ZNF609: variants seen among roughly 807,000 people sequenced by gnomAD.
The protein encoded by ZNF609 is zinc finger protein 609.
ZNF609 carries 11 observed loss-of-function variants against 109.5 expected under a neutral mutation model. The ratio of observed to expected loss-of-function variants is 0.10; its 90% CI spans 0.06 to 0.17. ZNF609 has a LOEUF of 0.17. ZNF609 is among the 10% of genes least tolerant of loss of function. The probability of loss-of-function intolerance (pLI) is 1.00; values close to 1 mark genes in which losing one functional copy is unlikely to be tolerated. For missense variants in ZNF609, 1,559 were observed against 1,772.4 expected (o/e 0.88, Z 2.16); for synonymous variants, 646 against 662.0 (o/e 0.98, Z 0.37).
chr15:64,575,690 G>T (rs999120000), intron 2 of ZNF609, among the ~76,000 whole-genome samples: 6 of 152,110 alleles, frequency 3.9e-5, no homozygotes, highest in Non-Finnish European at 5.9e-5. Flanking sequence ...TTACAAAAAG[G>T]TTATGAAATT....
chr15:64,609,002 G>A (rs1159400497), intron 2 of ZNF609, among the ~76,000 whole-genome samples: 2 of 152,038 alleles, frequency 1.3e-5, no homozygotes, highest in South Asian at 4.1e-4. Context: ...CTCCCAAAGT[G>A]CTGAGATGAT....
At chr15:64,536,187 ATTT>A (rs925654006) in intron 2 of ZNF609, among the ~76,000 whole-genome samples, 3 of 151,934 alleles carry the variant, frequency 2.0e-5, no homozygotes, top group African/African-American at 7.3e-5. Flanking sequence ...CACCTGGCTA[ATTT>A]TTTTATTTGT....
At chr15:64,609,247 G>A (rs1336756012) in intron 2 of ZNF609, among the ~76,000 whole-genome samples, 1 of 150,938 alleles carries the variant, frequency 6.6e-6, no homozygotes, top group East Asian at 1.9e-4. Flanking sequence ...GTGCAGTGGT[G>A]CAGTCTCGGC....
chr15:64,681,291 G>C lies in ZNF609; in HGVS notation c.4163-18G>C. On this transcript the variant is annotated intron_variant, in intron 8 of 9. Transcript: ENST00000326648. ...GTTTCTGTGAGTGCTACACTAACAT[G>C]TTCTCCTGCTTATTCAGGGCTTTCT... 1 of 1,612,876 alleles carries C rather than the reference G, an allele frequency of 6.2e-7. No individual in the cohort carries two copies. The highest frequency in any genetic ancestry group is 8.5e-7 in the Non-Finnish European group (1 of 1,179,168).
chr15:64,666,345 G>C (rs1311991189), intron 3 of ZNF609, among the ~76,000 whole-genome samples: 3 of 152,090 alleles, frequency 2.0e-5, no homozygotes, highest in Admixed American at 1.3e-4. Context: ...AGTGAGCCAA[G>C]ATTGCACTAC....
intron 3 of ZNF609, chr15:64,631,735 G>T: frequency 4.4e-6 from 1 of 226,318 alleles, no homozygotes; most frequent in South Asian, 5.7e-5. Context: ...GTAGAGACGG[G>T]GTTTCTCCAT....
chr15:64,623,903 T>G (rs1174094667), intron 3 of ZNF609, among the ~76,000 whole-genome samples: 1 of 152,206 alleles, frequency 6.6e-6, no homozygotes, highest in Non-Finnish European at 1.5e-5. Flanking sequence ...ATCATGTCTC[T>G]GCATCAGTAA....
At chr15:64,490,669 T>A (rs1893401261) in intron 1 of ZNF609, among the ~76,000 whole-genome samples, 1 of 152,210 alleles carries the variant, frequency 6.6e-6, no homozygotes, top group African/African-American at 2.4e-5. Context: ...GTTTTCTATG[T>A]GGATCACTTT....
At position 64,477,235 on chromosome 15, in the gene ZNF609, G is replaced by C. The variant is rs531552759; in HGVS notation, c.-128+16397G>C. ...GGCTCACTGCAAGCTCTGCCTCCCC[G>C]GTTCAGGCCATTCTCCTGCCTCAGC... On this transcript the variant is annotated intron_variant, in intron 1 of 9. Coordinates refer to ENST00000326648, the MANE Select transcript of ZNF609 (RefSeq NM_015042.2). Among the ~76,000 whole-genome samples, 75 of 144,358 alleles carry C rather than the reference G, an allele frequency of 5.2e-4. 1 individual carries two copies. The highest frequency in any genetic ancestry group is 2.8e-4 in the Non-Finnish European group (19 of 66,796). The allele number at this position is 144,358 out of a possible 152,430, so 94.7% of individuals were successfully genotyped here. A position where few individuals can be genotyped will look rare whatever the true frequency, so the allele number is the denominator to read the frequency against.
intron 2 of ZNF609, among the ~76,000 whole-genome samples, chr15:64,600,177 G>T (rs1484054019): frequency 6.6e-6 from 1 of 152,128 alleles, no homozygotes; most frequent in Non-Finnish European, 1.5e-5. Context: ...TTAGCCAGGT[G>T]AGGTGGCTCA....
At chr15:64,639,938 T>G (rs1896229039) in intron 3 of ZNF609, among the ~76,000 whole-genome samples, 1 of 152,078 alleles carries the variant, frequency 6.6e-6, no homozygotes, top group African/African-American at 2.4e-5. Flanking sequence ...TTTGTTTTGT[T>G]TTTTTGAGTC....
upstream of ZNF609, among the ~76,000 whole-genome samples, chr15:64,459,798 G>A (rs1339075045): frequency 6.6e-6 from 1 of 152,144 alleles, no homozygotes; most frequent in African/African-American, 2.4e-5. Context: ...CTGGGTGGGA[G>A]GGCTCACTTA....
intron 3 of ZNF609, among the ~76,000 whole-genome samples, chr15:64,645,001 CT>C (rs1164903967): frequency 5.4e-5 from 8 of 148,226 alleles, no homozygotes; most frequent in South Asian, 4.3e-4. Context: ...TTCTTTCTTT[CT>C]TTCTTTCTTC....
chr15:64,564,552 G>A (rs370947559), intron 2 of ZNF609, among the ~76,000 whole-genome samples: 2 of 151,864 alleles, frequency 1.3e-5, no homozygotes, highest in East Asian at 3.9e-4. Context: ...AGTTTGTTTT[G>A]TTTTCAGGCA....
chr15:64,646,594 A>G (rs1896337246), intron 3 of ZNF609, among the ~76,000 whole-genome samples: 1 of 138,398 alleles, frequency 7.2e-6, no homozygotes, highest in Non-Finnish European at 1.5e-5. Context: ...AGATCGTGCC[A>G]CTGCACTCCA....
chr15:64,615,810 A>G (rs16948108), intron 2 of ZNF609, among the ~76,000 whole-genome samples: 8,066 of 152,206 alleles, frequency 0.053, 726 homozygotes, highest in African/African-American at 0.18. Context: ...TTTCTACACA[A>G]TCTTATCTGA....
intron 3 of ZNF609, among the ~76,000 whole-genome samples, chr15:64,633,899 A>T (rs1366309920): frequency 1.3e-5 from 2 of 148,226 alleles, no homozygotes; most frequent in Admixed American, 6.8e-5. Context: ...AAAAATTATT[A>T]AAAAAAAAAA....
intron 3 of ZNF609, among the ~76,000 whole-genome samples, chr15:64,657,192 A>C (rs1471938869): frequency 6.8e-6 from 1 of 147,376 alleles, no homozygotes. Context: ...CCAGGAGGTG[A>C]AGGGTTGCAG....
intron 2 of ZNF609, among the ~76,000 whole-genome samples, chr15:64,513,570 T>G (rs1287480417): frequency 2.0e-5 from 3 of 152,220 alleles, no homozygotes; most frequent in Non-Finnish European, 4.4e-5. Flanking sequence ...CTTAGGATGA[T>G]TTCTTGAAGC....
Sources: gnomAD v4.1 joint callset for allele counts (sites outside exome capture counted in the v4.1 genomes callset) on GRCh38, gnomAD v4.1.1 for gene constraint, MANE v1.5 for transcripts, NCBI Gene and HGNC (gene_info 2026-07-23, HGNC 2026-07-21) for gene names.